MYRFL: variants seen among roughly 807,000 people sequenced by gnomAD.
The protein encoded by MYRFL is myelin regulatory factor like.
A neutral mutation model predicts 109.4 loss-of-function variants in MYRFL; 88 were observed. The observed-to-expected ratio is 0.80, with a 90% CI of 0.68 to 0.96. The LOEUF (loss-of-function observed/expected upper bound fraction) is 0.96. Among genes scored for constraint, MYRFL ranks in the 40% least tolerant of loss-of-function variants. MYRFL has a pLI of 0.00. For synonymous variants in MYRFL, 324 were observed against 320.9 expected, an observed-to-expected ratio of 1.01 and a Z score of -0.10; for missense variants, 957 against 954.9, an observed-to-expected ratio of 1.00 and a Z score of -0.03.
At chr12:69,866,631 G>A (rs756969204) in intron 2 of MYRFL, among the ~76,000 whole-genome samples, 8 of 152,176 alleles carry the variant, frequency 5.3e-5, no homozygotes, top group Non-Finnish European at 1.2e-4. Flanking sequence ...TGCCTACAAT[G>A]TGTGTCTTCT....
intron 1 of MYRFL, among the ~76,000 whole-genome samples, chr12:69,841,240 C>T (rs1156579558): frequency 6.6e-6 from 1 of 152,170 alleles, no homozygotes; most frequent in Admixed American, 6.5e-5. Flanking sequence ...TCCCCGGCTC[C>T]TCATCCAGTT....
At chr12:69,893,198 G>A (rs866360499) in intron 7 of MYRFL, among the ~76,000 whole-genome samples, 1 of 152,210 alleles carries the variant, frequency 6.6e-6, no homozygotes. Flanking sequence ...CCCACCAGTT[G>A]TATATTACAG....
At position 69,958,548 on chromosome 12, in the gene MYRFL, GA is replaced by G. The variant is rs1565656511; in HGVS notation, c.*18del. On this transcript the variant is annotated 3_prime_UTR_variant, in exon 25 of 25. Transcript: ENST00000552032. ...TGTGCCTAATTTGTTCAAGTTTGGG[GA>G]CTTTACCAAAGAAAAATACTCAGGA... is the stretch of plus-strand genomic sequence containing the variant. 1 of 1,504,802 alleles carries G rather than the reference GA, an allele frequency of 6.6e-7. No homozygotes were observed. Among genetic ancestry groups the G allele is most frequent in the Non-Finnish European group, 8.9e-7 (1 of 1,128,444 alleles). 93.2% of individuals were successfully genotyped at this position (1,504,802 alleles called of 1,614,324 possible).
intron 10 of MYRFL, 94 bp downstream of exon 10, chr12:69,897,340 T>C (rs1459943161): frequency 3.4e-6 from 3 of 885,172 alleles, no homozygotes; most frequent in Non-Finnish European, 5.4e-6. Context: ...AATATGCTAT[T>C]TCGATGATAA....
chr12:69,873,391 A>T (rs1443077159), intron 2 of MYRFL, among the ~76,000 whole-genome samples: 3 of 152,162 alleles, frequency 2.0e-5, no homozygotes, highest in Admixed American at 2.0e-4. Context: ...ATCTCAGCAC[A>T]CGATTTTTTT....
intron 2 of MYRFL, among the ~76,000 whole-genome samples, chr12:69,871,050 C>T (rs796122468): frequency 7.2e-5 from 11 of 152,158 alleles, no homozygotes; most frequent in African/African-American, 2.7e-4. Context: ...ATTATGAGAT[C>T]ACAGAGTCAG....
intron 10 of MYRFL, among the ~76,000 whole-genome samples, chr12:69,902,096 G>T (rs140765232): frequency 0.068 from 10,369 of 151,974 alleles, 438 homozygotes; most frequent in African/African-American, 0.11. Flanking sequence ...GCTTCACCAT[G>T]TTGGCCAGGC....
At chr12:69,952,197 A>G (rs1955994854) in intron 20 of MYRFL, 22 bp downstream of exon 20, 1 of 1,534,706 alleles carries the variant, frequency 6.5e-7, no homozygotes, top group African/African-American at 1.4e-5. Flanking sequence ...TTTAAGTGAC[A>G]CTATTCTTTG....
At chr12:69,865,957 C>T (rs1386244047) in intron 2 of MYRFL, among the ~76,000 whole-genome samples, 3 of 152,068 alleles carry the variant, frequency 2.0e-5, no homozygotes, top group Non-Finnish European at 2.9e-5. Context: ...TAATATATCT[C>T]GTTCTCTTAA....
intron 19 of MYRFL, among the ~76,000 whole-genome samples, chr12:69,941,965 C>G (rs953417572): frequency 6.0e-5 from 9 of 151,092 alleles, no homozygotes; most frequent in Admixed American, 2.0e-4. Flanking sequence ...GACACATACA[C>G]TCTCCCAAGA....
chr12:69,928,853 GT>G (rs902593285), intron 15 of MYRFL, among the ~76,000 whole-genome samples: 150 of 152,320 alleles, frequency 9.8e-4, no homozygotes, highest in African/African-American at 3.5e-3. Flanking sequence ...GGACTAAACA[GT>G]TTTCAGTGGG....
rs181308608 is a variant in MYRFL, at chr12:69,867,748, G to C, written c.138-11280G>C. Among the ~76,000 whole-genome samples, 221 of 152,322 alleles carry C rather than the reference G, an allele frequency of 1.5e-3. 1 individual carries two copies. The highest frequency in any genetic ancestry group is 5.0e-3 in the African/African-American group (206 of 41,570). On this transcript the variant is annotated intron_variant, in intron 2 of 24. Coordinates refer to ENST00000552032, the MANE Select transcript of MYRFL (RefSeq NM_182530.3). ...TATAGTGGGGTTGATAAGCTCTACT[G>C]TGATGTTTCAAAAGGGCGTGAGAGA...
chr12:69,951,389 G>A (rs544757780), intron 19 of MYRFL, among the ~76,000 whole-genome samples: 6 of 149,582 alleles, frequency 4.0e-5, no homozygotes, highest in African/African-American at 7.4e-5. Flanking sequence ...CTGTGCACAC[G>A]TAGCCCTAGG....
At chr12:69,938,996 A>G (rs958210995) in intron 19 of MYRFL, among the ~76,000 whole-genome samples, 3 of 152,234 alleles carry the variant, frequency 2.0e-5, no homozygotes, top group African/African-American at 4.8e-5. Context: ...GGCTTAAAAA[A>G]TGGCGCACCA....
At chr12:69,908,980 A>G (rs1954466395) in intron 11 of MYRFL, among the ~76,000 whole-genome samples, 1 of 151,972 alleles carries the variant, frequency 6.6e-6, no homozygotes, top group African/African-American at 2.4e-5. Flanking sequence ...TGTTCTCATC[A>G]TTTAGCCCTC....
At chr12:69,945,290 C>T (rs2120523380) in intron 19 of MYRFL, among the ~76,000 whole-genome samples, 1 of 150,122 alleles carries the variant, frequency 6.7e-6, no homozygotes, top group Middle Eastern at 3.4e-3. Flanking sequence ...CACTGATTGA[C>T]TCAGAGCAAC....
chr12:69,934,131 G>A (rs1013825051), intron 16 of MYRFL, among the ~76,000 whole-genome samples: 1 of 152,208 alleles, frequency 6.6e-6, no homozygotes, highest in Admixed American at 6.5e-5. Flanking sequence ...GGAGAGGTAG[G>A]AGAACAAAGA....
intron 1 of MYRFL, among the ~76,000 whole-genome samples, chr12:69,827,631 TATA>T (rs1882366906): frequency 6.6e-6 from 1 of 152,140 alleles, no homozygotes; most frequent in Admixed American, 6.6e-5. Context: ...TTGTTTTATT[TATA>T]ATAACTAAAA....
intron 1 of MYRFL, among the ~76,000 whole-genome samples, chr12:69,830,802 C>A (rs2136313071): frequency 6.6e-6 from 1 of 152,226 alleles, no homozygotes; most frequent in South Asian, 2.1e-4. Context: ...CCTGCCCACG[C>A]TACCTTTGAG....
Sources: gnomAD v4.1 joint callset for allele counts (sites outside exome capture counted in the v4.1 genomes callset) on GRCh38, gnomAD v4.1.1 for gene constraint, MANE v1.5 for transcripts, NCBI Gene and HGNC (gene_info 2026-07-23, HGNC 2026-07-21) for gene names.